Variants in ACER3 observed in about 807,000 individuals in gnomAD.
ACER3 encodes alkCDase 3.
ACER3 carries 16 observed loss-of-function variants against 48.9 expected under a neutral mutation model. The ratio of observed to expected loss-of-function variants is 0.33; its 90% CI spans 0.22 to 0.50. The LOEUF (loss-of-function observed/expected upper bound fraction) is 0.50. Among genes scored for constraint, ACER3 ranks in the 20% least tolerant of loss-of-function variants. ACER3 has a pLI of 0.98. For missense variants in ACER3, 227 were observed against 326.0 expected, an observed-to-expected ratio of 0.70 and a Z score of 2.34; for synonymous variants, 109 against 107.8, an observed-to-expected ratio of 1.01 and a Z score of -0.07.
chr11:76,990,240 C>T (rs1948771382), intron 5 of ACER3, among the ~76,000 whole-genome samples: 1 of 152,186 alleles, frequency 6.6e-6, no homozygotes, highest in Non-Finnish European at 1.5e-5. Flanking sequence ...CTCTTCACTC[C>T]TCATGAGAAT....
intron 7 of ACER3, among the ~76,000 whole-genome samples, chr11:77,001,258 G>GT (rs1555019726): frequency 6.6e-6 from 1 of 151,784 alleles, no homozygotes; most frequent in African/African-American, 2.4e-5. Flanking sequence ...GTTTTGTTTT[G>GT]TTTTTTGCTT....
At chr11:77,014,897 C>T (rs1565229154) in intron 7 of ACER3, 119 bp from the exon 8 acceptor site, 1 of 676,522 alleles carries the variant, frequency 1.5e-6, no homozygotes, top group Non-Finnish European at 2.6e-6. Flanking sequence ...GCACTCCAGC[C>T]TGGGCAACAT....
intron 4 of ACER3, among the ~76,000 whole-genome samples, chr11:76,984,314 A>G (rs1183745187): frequency 6.6e-6 from 1 of 152,236 alleles, no homozygotes; most frequent in Non-Finnish European, 1.5e-5. Flanking sequence ...TGGTTTCTTA[A>G]CAGATAACTT....
At chr11:76,898,092 T>C (rs1207005585) in intron 1 of ACER3, among the ~76,000 whole-genome samples, 2 of 152,210 alleles carry the variant, frequency 1.3e-5, no homozygotes, top group Non-Finnish European at 2.9e-5. Context: ...ACAATTATTA[T>C]AGTATAGACT....
intron 9 of ACER3, among the ~76,000 whole-genome samples, chr11:77,018,076 T>A (rs1258801399): frequency 6.6e-6 from 1 of 150,902 alleles, no homozygotes; most frequent in African/African-American, 2.4e-5. Flanking sequence ...GTAGCCAGGA[T>A]CACAGGCAAT....
At chr11:76,978,194 C>T (rs1342038829) in intron 4 of ACER3, among the ~76,000 whole-genome samples, 1 of 152,180 alleles carries the variant, frequency 6.6e-6, no homozygotes, top group African/African-American at 2.4e-5. Context: ...CCCGGTGAAG[C>T]TCCACCTTCA....
intron 2 of ACER3, among the ~76,000 whole-genome samples, chr11:76,954,202 C>T (rs1328190424): frequency 6.6e-6 from 1 of 152,180 alleles, no homozygotes; most frequent in African/African-American, 2.4e-5. Context: ...CCACCTCGGC[C>T]TCCCAAAGTG....
intron 1 of ACER3, among the ~76,000 whole-genome samples, chr11:76,886,227 C>T (rs1945668107): frequency 6.6e-6 from 1 of 152,122 alleles, no homozygotes; most frequent in African/African-American, 2.4e-5. Flanking sequence ...GCAAATGGCC[C>T]TGTGGCTGGA....
intron 6 of ACER3, among the ~76,000 whole-genome samples, chr11:76,996,719 C>CTTTTTTTTT (rs36108857): frequency 7.2e-6 from 1 of 138,784 alleles, no homozygotes; most frequent in Admixed American, 7.5e-5. Context: ...CCCACCCAGC[C>CTTTTTTTTT]TTTTTTTTTT....
In ACER3 at chr11:77,019,775, A is replaced by G. The variant is rs782640115; in HGVS notation, c.749A>G (p.Lys250Arg). 5.6e-6 allele frequency: 9 copies of G among 1,613,722 alleles called. No individual in the cohort carries two copies. The highest frequency in any genetic ancestry group is 7.6e-6 in the Non-Finnish European group (9 of 1,179,694). ...TACCTGAGATATAGGCCAAAAGTGA[A>G]GGTAAGTCCACTTCCTAGGTCCTGT... ...TLYLRYRPKVKFLFGIWPVIL... is the reference protein window; with the variant it reads ...TLYLRYRPKVRFLFGIWPVIL... Residue 250 changes from lysine (K) to arginine (R), a missense_variant and splice_region_variant, in exon 10 of 11, where the codon AAG becomes AGG. Physicochemically the swap from Lys to Arg is conservative, Grantham distance 26 (BLOSUM62 2). Transcript: ENST00000532485.
chr11:76,893,659 C>G (rs940167213), intron 1 of ACER3, among the ~76,000 whole-genome samples: 1 of 151,778 alleles, frequency 6.6e-6, no homozygotes, highest in Non-Finnish European at 1.5e-5. Flanking sequence ...TCTCAAAAAA[C>G]AGAGAGAGAG....
chr11:76,928,387 A>G (rs1342169491), intron 2 of ACER3, among the ~76,000 whole-genome samples: 1 of 152,140 alleles, frequency 6.6e-6, no homozygotes, highest in Non-Finnish European at 1.5e-5. Context: ...GTAGATTGCA[A>G]AAATTTTCTC....
At chr11:76,934,569 C>T (rs536570068) in intron 2 of ACER3, among the ~76,000 whole-genome samples, 1 of 152,370 alleles carries the variant, frequency 6.6e-6, no homozygotes, top group African/African-American at 2.4e-5. Flanking sequence ...CCTGCAATCG[C>T]AGGCACTCGG....
intron 4 of ACER3, among the ~76,000 whole-genome samples, chr11:76,983,916 G>A (rs754529086): frequency 8.6e-5 from 13 of 151,754 alleles, no homozygotes; most frequent in South Asian, 2.1e-4. Context: ...TCAGCCTCCC[G>A]AGTAGCTGGG....
intron 9 of ACER3, 176 bp from the exon 10 acceptor site, chr11:77,019,555 C>T (rs1949435832): frequency 4.8e-6 from 3 of 619,122 alleles, no homozygotes; most frequent in Non-Finnish European, 8.7e-6. Flanking sequence ...GCATGGTTTA[C>T]TGAATATTTT....
At chr11:76,923,228 T>A (rs1249964723) in intron 1 of ACER3, among the ~76,000 whole-genome samples, 1 of 151,936 alleles carries the variant, frequency 6.6e-6, no homozygotes, top group African/African-American at 2.4e-5. Context: ...GTGTACAAAT[T>A]AAAATTTGAC....
chr11:77,006,498 T>C lies in ACER3; in HGVS notation c.497+7677T>C, dbSNP rs936079350. Among the ~76,000 whole-genome samples the C allele has an allele frequency of 4.6e-5, 7 of 152,146 alleles. 1 individual carries two copies. In the South Asian group the frequency reaches 6.2e-4, roughly 14 times the overall value. ...TCCTTTCTGTTTAGAGAACTTCCTT[T>C]AGCCATTTTTTAGGGTAGGTCTCCT... On this transcript the variant is annotated intron_variant, in intron 7 of 10. Transcript: ENST00000532485.
intron 1 of ACER3, among the ~76,000 whole-genome samples, chr11:76,902,809 T>A (rs1166825067): frequency 6.6e-6 from 1 of 152,222 alleles, no homozygotes; most frequent in East Asian, 1.9e-4. Flanking sequence ...AAGCAGATGC[T>A]CGTGAGACTT....
At position 76,932,894 on chromosome 11, in the gene ACER3, C is replaced by CAATAAAGGCAGAATCTATGA. The variant is rs371678124; in HGVS notation, c.214+6230_214+6249dup. On this transcript the variant is annotated intron_variant, in intron 2 of 10. Transcript: ENST00000532485. ...GTAGCAATAGAAAGATAAAACTCCA[C>CAATAAAGGCAGAATCTATGA]AATAAAGGCAGAATCTATGAAAGCA... Among the ~76,000 whole-genome samples, 1,123 of 152,072 alleles carry CAATAAAGGCAGAATCTATGA rather than the reference C, an allele frequency of 7.4e-3. 6 individuals are homozygous for CAATAAAGGCAGAATCTATGA. The highest frequency in any genetic ancestry group is 0.025 in the African/African-American group (1,057 of 41,468).
Sources: gnomAD v4.1 joint callset for allele counts (sites outside exome capture counted in the v4.1 genomes callset) on GRCh38, gnomAD v4.1.1 for gene constraint, MANE v1.5 for transcripts, NCBI Gene and HGNC (gene_info 2026-07-23, HGNC 2026-07-21) for gene names.